The following DNAH9 variants were observed in gnomAD, a reference collection of about 807,000 sequenced individuals.
DNAH9 encodes dynein axonemal heavy chain 9, also known as DNAH9 variant protein.
Under a neutral mutation model 471.6 loss-of-function variants are expected in DNAH9, and 345 were observed. The observed-to-expected ratio is 0.73, with a 90% CI of 0.67 to 0.80. The LOEUF is 0.80. Among genes scored for constraint, DNAH9 ranks in the 30% least tolerant of loss-of-function variants. The pLI is 0.00. For synonymous variants in DNAH9, 2,093 were observed against 2,123.6 expected, an observed-to-expected ratio of 0.99 and a Z score of 0.40; for missense variants, 5,407 against 5,609.2, an observed-to-expected ratio of 0.96 and a Z score of 1.15.
At chr17:11,635,346 T>TA (rs2073141508) in intron 8 of DNAH9, among the ~76,000 whole-genome samples, 1 of 124,958 alleles carries the variant, frequency 8.0e-6, no homozygotes. Flanking sequence ...TTTTTTTTTT[T>TA]TTTTTTTTTT....
chr17:11,914,347 A>T (rs1973874661), intron 61 of DNAH9, among the ~76,000 whole-genome samples: 1 of 152,038 alleles, frequency 6.6e-6, no homozygotes, highest in Non-Finnish European at 1.5e-5. Flanking sequence ...TCTTGAAGAT[A>T]CTCTCCCTGG....
chr17:11,872,995 A>T (rs1972343492), intron 52 of DNAH9, among the ~76,000 whole-genome samples: 1 of 152,244 alleles, frequency 6.6e-6, no homozygotes, highest in African/African-American at 2.4e-5. Flanking sequence ...TAAAAGCTGT[A>T]TTCCAGATCT....
rs1190066598 is a variant in DNAH9 at position 11,731,362 on chromosome 17, A to T, written c.5814+3440A>T. On this transcript the variant is annotated intron_variant, in intron 28 of 68. Transcript: ENST00000262442. ...AGAAGCCGGGATACACAGGGTAGGG[A>T]AAAAGGGTTCACATCCTGGTCTCAC... is the stretch of plus-strand genomic sequence containing the variant. Among the ~76,000 whole-genome samples the T allele has an allele frequency of 3.3e-5, 5 of 151,160 alleles. No homozygotes were observed. The Admixed American group carries it at 3.3e-4, about 10-fold the overall frequency.
At chr17:11,711,420 T>C (rs2074825650) in intron 26 of DNAH9, among the ~76,000 whole-genome samples, 1 of 152,204 alleles carries the variant, frequency 6.6e-6, no homozygotes, top group Non-Finnish European at 1.5e-5. Flanking sequence ...TCAGTTCTTC[T>C]TAATGATTTA....
rs533714317 is a variant in DNAH9 at position 11,668,522 on chromosome 17, G to A, written c.2732-542G>A. Reference sequence around the variant, plus strand: ...TCTACTACAAATACAAAAATTAGCCGGGCATAGTGTCGCATGCCTGTAGTC... The same window carrying A: ...TCTACTACAAATACAAAAATTAGCCAGGCATAGTGTCGCATGCCTGTAGTC... On this transcript the variant is annotated intron_variant, in intron 15 of 68. Coordinates refer to ENST00000262442, the MANE Select transcript of DNAH9 (RefSeq NM_001372.4). Among the ~76,000 whole-genome samples the A allele has an allele frequency of 1.2e-3, 184 of 152,076 alleles. 2 individuals are homozygous for A. The highest frequency in any genetic ancestry group is 2.3e-3 in the Non-Finnish European group (155 of 67,990).
intron 62 of DNAH9, 25 bp from the exon 63 acceptor site, chr17:11,929,841 G>T (rs763235745): frequency 1.3e-6 from 2 of 1,593,046 alleles, no homozygotes; most frequent in Admixed American, 1.7e-5. Context: ...CCTGTATTGA[G>T]GGGGGGCTCC....
chr17:11,620,070 T>C, intron 6 of DNAH9: 1 of 384,440 alleles, frequency 2.6e-6, no homozygotes. Flanking sequence ...AACAACAAAA[T>C]AGCCAGGTGT....
intron 44 of DNAH9, 90 bp downstream of exon 44, chr17:11,807,984 T>G: frequency 7.2e-7 from 1 of 1,383,714 alleles, no homozygotes; most frequent in Admixed American, 2.3e-5. Flanking sequence ...CCAGTTCCCC[T>G]GTCTGGAGCC....
At chr17:11,750,730 A>G (rs954724129) in intron 32 of DNAH9, among the ~76,000 whole-genome samples, 2 of 152,212 alleles carry the variant, frequency 1.3e-5, no homozygotes, top group African/African-American at 4.8e-5. Flanking sequence ...AATAAAAAAA[A>G]TACTTCATAC....
chr17:11,957,730 C>T (rs1236127209), intron 67 of DNAH9, among the ~76,000 whole-genome samples: 1 of 152,136 alleles, frequency 6.6e-6, no homozygotes, highest in Non-Finnish European at 1.5e-5. Flanking sequence ...TTCAGCCATA[C>T]ACCACAGAAA....
At chr17:11,805,863 T>G (rs1317939096) in intron 43 of DNAH9, among the ~76,000 whole-genome samples, 1 of 152,080 alleles carries the variant, frequency 6.6e-6, no homozygotes, top group South Asian at 2.1e-4. Flanking sequence ...TCCAAAGAAC[T>G]TTTTATTGCT....
Position 11,693,878 on chromosome 17 carries a change from G to C in DNAH9, c.4625G>C (p.Arg1542Thr), listed in dbSNP as rs368317044. ...CATTTTTATTTGCAGGATTCTAAAAGGTTTGAAGGCATCGACATTGACTTT... is the reference window on the plus strand; with the variant it reads ...CATTTTTATTTGCAGGATTCTAAAACGTTTGAAGGCATCGACATTGACTTT... ...IRAQLPQDSK[R>T]FEGIDIDFKE... The change falls in exon 21 of 69, where the codon AGG becomes ACG. Residue 1542 changes from arginine (R) to threonine (T), a missense_variant. This residue lies in a region of DNAH9 where 4,636 missense variants were observed against 4,900.3 expected (regional missense o/e 0.95). Transcript: ENST00000262442. 43 of 1,613,988 alleles carry C rather than the reference G, an allele frequency of 2.7e-5. No individual in the cohort carries two copies. Among genetic ancestry groups the C allele is most frequent in the Middle Eastern group, 3.3e-4 (2 of 6,084 alleles).
In DNAH9 at chr17:11,757,618, CCAGA is replaced by C; in HGVS notation, c.6926_6929del (p.Thr2309ArgfsTer5). ...GCAGCTGGATTGAGAAGAGGGAAAT[CCAGA>C]CAGAGAGAGCCAACTTAACCATTTT... On this transcript the variant is annotated frameshift_variant, in exon 35 of 69. Transcript: ENST00000262442. LOFTEE classifies it high-confidence loss of function. The C allele has an allele frequency of 1.2e-6, 2 of 1,614,042 alleles. No individual in the cohort carries two copies. Among genetic ancestry groups the C allele is most frequent in the South Asian group, 1.1e-5 (1 of 91,080 alleles).
In DNAH9 at chr17:11,839,637, G is replaced by A. The variant is rs542782266; in HGVS notation, c.9507+4739G>A. Among the ~76,000 whole-genome samples the A allele has an allele frequency of 8.5e-5, 13 of 152,252 alleles. No individual in the cohort carries two copies. In the East Asian group the frequency reaches 2.5e-3, roughly 29 times the overall value. On this transcript the variant is annotated intron_variant, in intron 49 of 68. Transcript: ENST00000262442. ...GTGATGGCTCCTATAATAATTTGGA[G>A]TGTGTCTATTTCAGCAGTTTTTCTA...
chr17:11,769,410 T>TGAC, intron 38 of DNAH9, 81 bp downstream of exon 38: 1 of 1,310,116 alleles, frequency 7.6e-7, no homozygotes, highest in Non-Finnish European at 1.1e-6. Context: ...AAGCGTCAGG[T>TGAC]GCCTGCCTGA....
chr17:11,615,304 G>T (rs1205003131), intron 4 of DNAH9, among the ~76,000 whole-genome samples: 1 of 152,110 alleles, frequency 6.6e-6, no homozygotes, highest in Non-Finnish European at 1.5e-5. Context: ...TATGAGCTCG[G>T]CTGGGCACAG....
At chr17:11,887,416 C>T (rs1443848501) in intron 57 of DNAH9, among the ~76,000 whole-genome samples, 1 of 152,174 alleles carries the variant, frequency 6.6e-6, no homozygotes. Flanking sequence ...ACCCTAATAT[C>T]CCCAAAGCTG....
chr17:11,785,517 G>A (rs1968835956), intron 41 of DNAH9, among the ~76,000 whole-genome samples: 1 of 152,134 alleles, frequency 6.6e-6, no homozygotes. Flanking sequence ...CTGAACTCCT[G>A]ATTGTAAGAA....
chr17:11,814,953 C>T (rs1970043031), intron 45 of DNAH9, among the ~76,000 whole-genome samples: 1 of 108,070 alleles, frequency 9.3e-6, no homozygotes, highest in Non-Finnish European at 2.1e-5. Flanking sequence ...CCCAGTTTCC[C>T]TAGAAAGAAA....
Sources: gnomAD v4.1 joint callset for allele counts (sites outside exome capture counted in the v4.1 genomes callset) on GRCh38, gnomAD v4.1.1 for gene constraint, gnomAD v4.1.1 regional missense constraint, MANE v1.5 for transcripts, NCBI Gene and HGNC (gene_info 2026-07-23, HGNC 2026-07-21) for gene names.